The following WWOX variants were observed in gnomAD, a reference collection of about 807,000 sequenced individuals.
WWOX encodes WW domain-containing oxidoreductase.
In WWOX, 69 loss-of-function variants were observed where a neutral mutation model predicts 46.2. The ratio of observed to expected loss-of-function variants is 1.49; its 90% CI spans 1.23 to 1.82. WWOX has a LOEUF of 1.82. Ranked by LOEUF, WWOX falls within the 40% of genes most tolerant of loss-of-function variation. The pLI, the probability that WWOX is intolerant of heterozygous loss-of-function variation, is 0.00. For synonymous variants in WWOX, 359 were observed against 202.6 expected (o/e 1.77, Z -6.56); for missense variants, 919 against 542.6 (o/e 1.69, Z -6.89).
chr16:79,010,428 G>A (rs777405208), intron 8 of WWOX, among the ~76,000 whole-genome samples: 67 of 152,230 alleles, frequency 4.4e-4, no homozygotes, highest in African/African-American at 1.5e-3. Context: ...AAGTGAACAC[G>A]GAGGACCTGC....
intron 5 of WWOX, among the ~76,000 whole-genome samples, chr16:78,332,968 A>G (rs1294230783): frequency 6.6e-6 from 1 of 150,632 alleles, no homozygotes; most frequent in African/African-American, 2.4e-5. Flanking sequence ...GAACCCTTGT[A>G]CTTATAATAT....
At chr16:78,135,974 A>G (rs1205378656) in intron 4 of WWOX, among the ~76,000 whole-genome samples, 1 of 152,206 alleles carries the variant, frequency 6.6e-6, no homozygotes, top group Non-Finnish European at 1.5e-5. Context: ...ATAACTATAT[A>G]TAAAATTATA....
rs763094732 is a variant in WWOX at position 78,603,928 on chromosome 16, G to A, written c.1056+171176G>A. 5.5e-4 allele frequency among the ~76,000 whole-genome samples: 83 copies of A among 151,994 alleles called. 1 individual carries two copies. Among genetic ancestry groups the A allele is most frequent in the Non-Finnish European group, 2.1e-4 (14 of 68,006 alleles). Reference sequence around the variant, plus strand: ...AGGCTGACGTGGGAGGATTGCTTGAGCCTAGGAGTTCAAGATCAGCCTGGG... The same window carrying A: ...AGGCTGACGTGGGAGGATTGCTTGAACCTAGGAGTTCAAGATCAGCCTGGG... On this transcript the variant is annotated intron_variant, in intron 8 of 8. Transcript: ENST00000566780.
chr16:78,818,258 C>A (rs1227955448), intron 8 of WWOX, among the ~76,000 whole-genome samples: 1 of 152,214 alleles, frequency 6.6e-6, no homozygotes, highest in Non-Finnish European at 1.5e-5. Context: ...CTGGGCTGCA[C>A]ATCAGAGCCC....
intron 8 of WWOX, among the ~76,000 whole-genome samples, chr16:78,484,331 G>C (rs1229052266): frequency 1.3e-5 from 2 of 152,094 alleles, no homozygotes; most frequent in Admixed American, 6.6e-5. Flanking sequence ...TTTGTTCACA[G>C]ATTTTTTTTT....
chr16:78,145,765 C>T (rs2034177807), intron 4 of WWOX, among the ~76,000 whole-genome samples: 1 of 152,108 alleles, frequency 6.6e-6, no homozygotes. Flanking sequence ...CCAGATTTCC[C>T]CTTTTCATAA....
intron 8 of WWOX, among the ~76,000 whole-genome samples, chr16:78,944,192 C>A (rs566641436): frequency 1.3e-5 from 2 of 152,192 alleles, no homozygotes; most frequent in Non-Finnish European, 2.9e-5. Context: ...ACAACACATC[C>A]CATCCTTCTG....
At chr16:79,171,883 A>G (rs139114771) in intron 8 of WWOX, among the ~76,000 whole-genome samples, 1 of 152,340 alleles carries the variant, frequency 6.6e-6, no homozygotes, top group African/African-American at 2.4e-5. Flanking sequence ...AGCTTTTAAA[A>G]TCTGAAATCC....
chr16:78,613,066 CTG>C (rs2045937545), intron 8 of WWOX, among the ~76,000 whole-genome samples: 2 of 152,130 alleles, frequency 1.3e-5, no homozygotes, highest in Non-Finnish European at 2.9e-5. Flanking sequence ...TTGTAGGAAA[CTG>C]TGCTTTAGTA....
intron 8 of WWOX, among the ~76,000 whole-genome samples, chr16:79,087,664 CT>C (rs2048878296): frequency 6.6e-6 from 1 of 152,212 alleles, no homozygotes; most frequent in Non-Finnish European, 1.5e-5. Flanking sequence ...TGGCAACACC[CT>C]AGATCGTTGC....
intron 8 of WWOX, among the ~76,000 whole-genome samples, chr16:79,163,778 C>G (rs141043145): frequency 9.2e-6 from 1 of 108,326 alleles, no homozygotes; most frequent in African/African-American, 4.3e-5. Context: ...GCCTGGGCAA[C>G]GAGCAAAACT....
intron 5 of WWOX, among the ~76,000 whole-genome samples, chr16:78,183,116 C>G (rs968271160): frequency 5.3e-5 from 8 of 152,034 alleles, no homozygotes; most frequent in Non-Finnish European, 1.5e-5. Context: ...ATGTTTTGAT[C>G]CTTTATTCTA....
At chr16:78,356,243 A>G (rs1024201639) in intron 5 of WWOX, among the ~76,000 whole-genome samples, 2 of 152,138 alleles carry the variant, frequency 1.3e-5, no homozygotes, top group Non-Finnish European at 2.9e-5. Context: ...ATACACATAT[A>G]TAAAATATAT....
chr16:78,666,594 C>T (rs1417738446), intron 8 of WWOX, among the ~76,000 whole-genome samples: 2 of 152,256 alleles, frequency 1.3e-5, no homozygotes, highest in African/African-American at 2.4e-5. Flanking sequence ...TTCCTTCAGT[C>T]GCATGTGGGC....
intron 5 of WWOX, among the ~76,000 whole-genome samples, chr16:78,342,003 G>A (rs2081024339): frequency 8.3e-6 from 1 of 120,256 alleles, no homozygotes; most frequent in African/African-American, 2.8e-5. Context: ...ATAGTACCAG[G>A]TACTTCGGAG....
At chr16:78,866,830 G>A (rs1163768004) in intron 8 of WWOX, among the ~76,000 whole-genome samples, 2 of 152,310 alleles carry the variant, frequency 1.3e-5, no homozygotes, top group South Asian at 4.1e-4. Flanking sequence ...GGCCTTTCCA[G>A]TTTTTCTTAA....
intron 8 of WWOX, among the ~76,000 whole-genome samples, chr16:79,175,024 T>G (rs991457112): frequency 5.9e-5 from 9 of 152,198 alleles, no homozygotes; most frequent in African/African-American, 2.2e-4. Flanking sequence ...TCTTATTAAC[T>G]TCTAACCTCC....
At chr16:78,754,908 G>C (rs941065194) in intron 8 of WWOX, among the ~76,000 whole-genome samples, 40 of 152,012 alleles carry the variant, frequency 2.6e-4, no homozygotes, top group Middle Eastern at 3.2e-3. Flanking sequence ...TATCTGCAGG[G>C]GTGGTACTGC....
At chr16:78,401,787 CCT>C (rs1420841074) in intron 6 of WWOX, among the ~76,000 whole-genome samples, 1 of 151,994 alleles carries the variant, frequency 6.6e-6, no homozygotes, top group African/African-American at 2.4e-5. Flanking sequence ...GCAACCTCTG[CCT>C]CCTGGGTTCA....
Sources: gnomAD v4.1 joint callset for allele counts (sites outside exome capture counted in the v4.1 genomes callset) on GRCh38, gnomAD v4.1.1 for gene constraint, MANE v1.5 for transcripts, NCBI Gene and HGNC (gene_info 2026-07-23, HGNC 2026-07-21) for gene names.